Variants in LRRIQ3 observed in about 807,000 individuals in gnomAD.
The protein encoded by LRRIQ3 is leucine-rich repeat and IQ domain-containing protein 3.
Under a neutral mutation model 59.3 loss-of-function variants are expected in LRRIQ3, and 75 were observed. The ratio of observed to expected loss-of-function variants is 1.26; its 90% CI spans 1.05 to 1.53. LRRIQ3 has a LOEUF of 1.53. Among genes scored for constraint, LRRIQ3 ranks in the 40% most tolerant of loss-of-function variants. The probability of loss-of-function intolerance (pLI) is 0.00; values close to 1 mark genes in which losing one functional copy is unlikely to be tolerated. For synonymous variants in LRRIQ3, 250 were observed against 231.3 expected (o/e 1.08, Z -0.73); for missense variants, 831 against 710.0 (o/e 1.17, Z -1.94).
intron 4 of LRRIQ3, among the ~76,000 whole-genome samples, chr1:74,127,242 G>A (rs1646948934): frequency 6.6e-6 from 1 of 151,824 alleles, no homozygotes; most frequent in Non-Finnish European, 1.5e-5. Flanking sequence ...TGTCTTTATA[G>A]GTGAAGTGTA....
Position 74,190,923 on chromosome 1 carries a change from C to A in LRRIQ3, c.-1+7073G>T, listed in dbSNP as rs529389129. On this transcript the variant is annotated intron_variant, in intron 1 of 7. Transcript: ENST00000354431. ...TGACCTAGAATTTATAAGGGGAAAC[C>A]CCTTTCACTTGGTTCTCATTCTCTC... is the stretch of plus-strand genomic sequence containing the variant. 1.1e-4 allele frequency among the ~76,000 whole-genome samples: 16 copies of A among 152,122 alleles called. No homozygotes were observed. The East Asian group carries it at 3.1e-3, about 29-fold the overall frequency.
chr1:74,121,078 T>G (rs538166076), intron 4 of LRRIQ3, among the ~76,000 whole-genome samples: 9 of 152,294 alleles, frequency 5.9e-5, no homozygotes, highest in African/African-American at 2.2e-4. Flanking sequence ...TTTTCCTATG[T>G]GCAGGAATAA....
intron 6 of LRRIQ3, among the ~76,000 whole-genome samples, chr1:74,060,282 CTCCTCCTCT>C (rs769428007): frequency 1.0e-4 from 15 of 147,512 alleles, no homozygotes; most frequent in Admixed American, 6.8e-4. Flanking sequence ...TCTCTTCCTC[CTCCTCCTCT>C]TCCTCCTCTT....
chr1:74,115,227 A>C (rs1646762795), intron 4 of LRRIQ3, among the ~76,000 whole-genome samples: 2 of 152,170 alleles, frequency 1.3e-5, no homozygotes, highest in South Asian at 4.1e-4. Flanking sequence ...GGACCTATTG[A>C]TTAAAAATCC....
At chr1:74,045,301 T>A (rs974654816) in intron 6 of LRRIQ3, among the ~76,000 whole-genome samples, 1 of 152,162 alleles carries the variant, frequency 6.6e-6, no homozygotes, top group African/African-American at 2.4e-5. Context: ...GCAAGCCTTG[T>A]TCAACATATG....
intron 7 of LRRIQ3, among the ~76,000 whole-genome samples, chr1:74,032,951 A>T (rs951020686): frequency 1.1e-4 from 17 of 152,208 alleles, no homozygotes; most frequent in African/African-American, 4.1e-4. Flanking sequence ...TAAAATATAT[A>T]GAATTTTATA....
At chr1:74,148,930 C>A (rs1018606628) in intron 4 of LRRIQ3, among the ~76,000 whole-genome samples, 1 of 152,128 alleles carries the variant, frequency 6.6e-6, no homozygotes, top group Admixed American at 6.5e-5. Flanking sequence ...TTTTAGTCAA[C>A]ATGGTTCCAG....
intron 4 of LRRIQ3, among the ~76,000 whole-genome samples, chr1:74,117,764 A>G (rs918255996): frequency 1.3e-5 from 2 of 152,150 alleles, no homozygotes; most frequent in Admixed American, 1.3e-4. Context: ...AGTTTGTCTC[A>G]AAACAATAGT....
chr1:74,069,083 C>G (rs1306272981), intron 6 of LRRIQ3, among the ~76,000 whole-genome samples: 1 of 152,048 alleles, frequency 6.6e-6, no homozygotes, highest in African/African-American at 2.4e-5. Flanking sequence ...CAATGACCCT[C>G]AAATAATTAA....
At chr1:74,046,194 C>T (rs1654199106) in intron 6 of LRRIQ3, among the ~76,000 whole-genome samples, 1 of 152,094 alleles carries the variant, frequency 6.6e-6, no homozygotes, top group Non-Finnish European at 1.5e-5. Flanking sequence ...ATCATGCTAC[C>T]TGACTTCAAA....
chr1:74,162,551 T>C (rs1175078987), intron 3 of LRRIQ3, among the ~76,000 whole-genome samples: 1 of 151,774 alleles, frequency 6.6e-6, no homozygotes, highest in Non-Finnish European at 1.5e-5. Flanking sequence ...TTATGACTCA[T>C]ATGGATGACA....
At chr1:74,105,279 T>C (rs1646595422) in intron 5 of LRRIQ3, among the ~76,000 whole-genome samples, 2 of 151,086 alleles carry the variant, frequency 1.3e-5, no homozygotes, top group Admixed American at 6.6e-5. Flanking sequence ...TTTGAGACAG[T>C]CTTGCTCTTT....
chr1:74,048,986 G>A (rs1654284175), intron 6 of LRRIQ3, among the ~76,000 whole-genome samples: 2 of 152,190 alleles, frequency 1.3e-5, no homozygotes, highest in Non-Finnish European at 2.9e-5. Flanking sequence ...AATTGGCAGT[G>A]AGAGGGTCTA....
intron 5 of LRRIQ3, among the ~76,000 whole-genome samples, chr1:74,099,778 T>G (rs554389031): frequency 3.0e-4 from 46 of 152,172 alleles, no homozygotes; most frequent in Non-Finnish European, 5.1e-4. Context: ...ATGTAATCCA[T>G]CATATAAACA....
chr1:74,113,532 A>G (rs980763013), intron 4 of LRRIQ3, among the ~76,000 whole-genome samples: 5 of 152,108 alleles, frequency 3.3e-5, no homozygotes, highest in African/African-American at 1.2e-4. Flanking sequence ...ACGAAAAATG[A>G]TGAGTCATGT....
intron 4 of LRRIQ3, among the ~76,000 whole-genome samples, chr1:74,136,768 T>G (rs1232150840): frequency 6.6e-6 from 1 of 151,946 alleles, no homozygotes; most frequent in East Asian, 1.9e-4. Context: ...TTCCTTAGCA[T>G]TCTTCATTCC....
chr1:74,136,622 G>A (rs1211967791), intron 4 of LRRIQ3, among the ~76,000 whole-genome samples: 1 of 151,944 alleles, frequency 6.6e-6, no homozygotes, highest in African/African-American at 2.4e-5. Context: ...CCTAATGTGA[G>A]CATTAATGAG....
Position 74,183,604 on chromosome 1 carries a change from T to C in LRRIQ3, c.81A>G (p.Gln27=). The C allele has an allele frequency of 6.2e-7, 1 of 1,612,188 alleles. No homozygotes were observed. The highest frequency in any genetic ancestry group is 8.5e-7 in the Non-Finnish European group (1 of 1,178,828). Residue 27 remains glutamine (Q), a synonymous_variant, in exon 2 of 8, where the codon CAA becomes CAG. Transcript: ENST00000354431. The stretch of plus-strand genomic sequence containing the variant: ...TGAACTTCACAAAAACAAAATCTTT[T>C]TGACCTTCTCTTATGTTTTCATTAT... ...SHYNENIREG[Q]KDFVFVKFNG...
chr1:74,173,603 A>G (rs1649461680), intron 3 of LRRIQ3, among the ~76,000 whole-genome samples: 1 of 152,068 alleles, frequency 6.6e-6, no homozygotes, highest in Non-Finnish European at 1.5e-5. Flanking sequence ...TGTCAAACAC[A>G]TGTACATTTC....
Sources: gnomAD v4.1 joint callset for allele counts (sites outside exome capture counted in the v4.1 genomes callset) on GRCh38, gnomAD v4.1.1 for gene constraint, MANE v1.5 for transcripts, NCBI Gene and HGNC (gene_info 2026-07-23, HGNC 2026-07-21) for gene names.